The following TRIP10 variants were observed in gnomAD, a reference collection of about 807,000 sequenced individuals.
TRIP10 encodes the protein cdc42-interacting protein 4.
TRIP10 carries 54 observed loss-of-function variants against 80.9 expected under a neutral mutation model. The ratio of observed to expected loss-of-function variants is 0.67; its 90% CI spans 0.54 to 0.84. TRIP10 has a LOEUF of 0.84. TRIP10 is among the 40% of genes least tolerant of loss of function. The pLI is 0.00. For missense variants in TRIP10, 773 were observed against 815.3 expected (o/e 0.95, Z 0.63); for synonymous variants, 321 against 307.2 (o/e 1.04, Z -0.47).
Position 6,744,769 on chromosome 19 carries a change from C to G in TRIP10, c.790-31C>G. ...GGGAGGTACCCATAGGCTAGGCACT[C>G]GACTGCTCATCCACTGTCCCCCTCC... On this transcript the variant is annotated intron_variant, in intron 8 of 14. Coordinates refer to ENST00000313244, the MANE Select transcript of TRIP10 (RefSeq NM_001288962.2). This position sits in a 1 kb window ranked among gnomAD's most constrained non-coding sequence, Gnocchi z 4.9. 6.2e-7 allele frequency: 1 copy of G among 1,601,420 alleles called. No homozygotes were observed.
rs745566197 is a variant in TRIP10 at position 6,746,778 on chromosome 19, G to A, written c.1262+217G>A. ...AGCAATTCTTGTGCCTCAGCCTGCC[G>A]ATTAGCTAGGACCACAGGCATGCAC... On this transcript the variant is annotated intron_variant, in intron 11 of 14. Coordinates refer to ENST00000313244, the MANE Select transcript of TRIP10 (RefSeq NM_001288962.2). This position sits in a 1 kb window ranked among gnomAD's most constrained non-coding sequence, Gnocchi z 6.2. Among the ~76,000 whole-genome samples the A allele has an allele frequency of 2.2e-4, 34 of 152,090 alleles. No homozygotes were observed. The highest frequency in any genetic ancestry group is 5.2e-4 in the Admixed American group (8 of 15,276).
chr19:6,745,870 G>GT lies in TRIP10; in HGVS notation c.985-151dup, dbSNP rs899971933. ...CATCTTGAGTTGTGGTTTTCTTACC[G>GT]TTTTTTTTCTTTCTCCATTTTGTTT... On this transcript the variant is annotated intron_variant, in intron 9 of 14. Transcript: ENST00000313244. This position sits in a 1 kb window ranked among gnomAD's most constrained non-coding sequence, Gnocchi z 7.2. 2.1e-4 allele frequency: 205 copies of GT among 984,818 alleles called. No homozygotes were observed. The East Asian group carries it at 6.1e-3, about 29-fold the overall frequency. The allele number at this position is 984,818 out of a possible 1,614,324, so 61.0% of individuals were successfully genotyped here. A position where few individuals can be genotyped will look rare whatever the true frequency, so the allele number is the denominator to read the frequency against.
intron 3 of TRIP10, among the ~76,000 whole-genome samples, chr19:6,742,064 G>A (rs909869933): frequency 6.7e-6 from 1 of 148,514 alleles, no homozygotes; most frequent in African/African-American, 2.5e-5. Context: ...ATCCCACTTA[G>A]TGTGAATGTT....
rs756396774 is a variant in TRIP10, at chr19:6,746,504, G to T, written c.1205G>T (p.Arg402Leu). The T allele has an allele frequency of 6.2e-7, 1 of 1,614,002 alleles. No homozygotes were observed. The highest frequency in any genetic ancestry group is 1.1e-5 in the South Asian group (1 of 91,086). ...TTGCCCCCAGAGCAGCAGCGAAAAC[G>T]GCTTCAACAGCAGTTGGAAGAACGC... Reference protein sequence around the residue: ...SHLPPEQQRKRLQQQLEERSR... With the variant: ...SHLPPEQQRKLLQQQLEERSR... Residue 402 changes from arginine to leucine, a missense_variant, in exon 11 of 15, where the codon CGG (arginine) becomes CTG (leucine). Transcript: ENST00000313244. The surrounding 1 kb of genome is among the most constrained non-coding windows in gnomAD (Gnocchi z 6.2).
chr19:6,750,133 G>T, intron 12 of TRIP10, 67 bp downstream of exon 12: 1 of 1,550,356 alleles, frequency 6.5e-7, no homozygotes, highest in Non-Finnish European at 8.8e-7. Flanking sequence ...GGGTGGGGTG[G>T]GGGGTCGGGG....
In TRIP10 at chr19:6,742,592, C is replaced by T. The variant is rs147254202; in HGVS notation, c.198-375C>T. Among the ~76,000 whole-genome samples the T allele has an allele frequency of 2.9e-3, 437 of 151,640 alleles. 2 individuals carry two copies. The highest frequency in any genetic ancestry group is 9.9e-3 in the African/African-American group (411 of 41,320). On this transcript the variant is annotated intron_variant, in intron 3 of 14. Transcript: ENST00000313244. ...GGGTGAGGCGGGAAGATGCGGAGTT[C>T]GGGGGGATTGGAGTTTGAGACCTCA...
At chr19:6,743,950 A>G in intron 7 of TRIP10, 114 bp downstream of exon 7, 1 of 1,380,956 alleles carries the variant, frequency 7.2e-7, no homozygotes, top group Non-Finnish European at 9.9e-7. Flanking sequence ...ATTGAAAGGG[A>G]ATCAGAAACC....
chr19:6,741,311 AT>A (rs1291138914), intron 3 of TRIP10, 30 bp downstream of exon 3: 11 of 1,589,810 alleles, frequency 6.9e-6, no homozygotes, highest in Non-Finnish European at 9.4e-6. Flanking sequence ...GCAGGGCTAG[AT>A]TTGTGGGGAA....
At position 6,745,085 on chromosome 19, in the gene TRIP10, CGCCG is replaced by C; in HGVS notation, c.984+92_984+95del. 1 of 1,450,290 alleles carries C rather than the reference CGCCG, an allele frequency of 6.9e-7. No individual in the cohort carries two copies. Among genetic ancestry groups the C allele is most frequent in the Non-Finnish European group, 9.1e-7 (1 of 1,095,834 alleles). 89.8% of individuals were successfully genotyped at this position (1,450,290 alleles called of 1,614,324 possible). On this transcript the variant is annotated intron_variant, in intron 9 of 14. Transcript: ENST00000313244. This position sits in a 1 kb window ranked among gnomAD's most constrained non-coding sequence, Gnocchi z 7.2. ...ATTGAGTCAGCCCCAGCCGCCTGAA[CGCCG>C]AGTCTCGGGCAGGAATTTTCCTCTT...
In TRIP10 at chr19:6,743,123, C is replaced by T. The variant is rs780288879; in HGVS notation, c.345+9C>T. The stretch of plus-strand genomic sequence containing the variant: ...AACAGGAGAGGAAGATGGTGAGGAG[C>T]CCCCCGATTCAGGTTTTACAAAGGG... On this transcript the variant is annotated intron_variant, in intron 4 of 14. Transcript: ENST00000313244. 5.0e-6 allele frequency: 8 copies of T among 1,613,904 alleles called. No individual in the cohort carries two copies. The Admixed American group carries it at 6.7e-5, about 13-fold the overall frequency.
chr19:6,745,849 T>C lies in TRIP10; in HGVS notation c.985-180T>C, dbSNP rs112657514. On this transcript the variant is annotated intron_variant, in intron 9 of 14. Coordinates refer to ENST00000313244, the MANE Select transcript of TRIP10 (RefSeq NM_001288962.2). This position sits in a 1 kb window ranked among gnomAD's most constrained non-coding sequence, Gnocchi z 7.2. Reference sequence around the variant, plus strand: ...CGTTTTCTCTGTGTGGTTGTGCATCTTGAGTTGTGGTTTTCTTACCGTTTT... The same window carrying C: ...CGTTTTCTCTGTGTGGTTGTGCATCCTGAGTTGTGGTTTTCTTACCGTTTT... The C allele has an allele frequency of 7.2e-4, 709 of 985,414 alleles. 7 individuals are homozygous for C. In the African/African-American group the frequency reaches 0.012, roughly 16 times the overall value. The allele number at this position is 985,414 out of a possible 1,614,324, so 61.0% of individuals were successfully genotyped here.
At chr19:6,748,989 G>A (rs1270483690) in intron 11 of TRIP10, 1 of 152,120 alleles carries the variant, frequency 6.6e-6, no homozygotes, top group Non-Finnish European at 1.5e-5. Flanking sequence ...GGATTTATTC[G>A]AATTTTCAAG....
At chr19:6,740,196 T>G (rs948974832) in intron 1 of TRIP10, among the ~76,000 whole-genome samples, 5 of 152,184 alleles carry the variant, frequency 3.3e-5, no homozygotes, top group Admixed American at 2.0e-4. Flanking sequence ...CCCACCCACG[T>G]GGGACCTAGA....
At position 6,746,136 on chromosome 19, in the gene TRIP10, G is replaced by A. The variant is rs1359957040; in HGVS notation, c.1092G>A (p.Glu364=). ...SGRDPLAILS[E]ISKSVKPRLA... is the part of the protein sequence containing the mutation. Reference sequence around the variant, plus strand: ...GTGACCCCTTGGCCATACTGAGCGAGATCAGTAAGTCGGTCAAACCGAGGC... The same window carrying A: ...GTGACCCCTTGGCCATACTGAGCGAAATCAGTAAGTCGGTCAAACCGAGGC... The change falls in exon 10 of 15, where the codon GAG becomes GAA. Residue 364 remains glutamate (E), a synonymous_variant. Coordinates refer to ENST00000313244, the MANE Select transcript of TRIP10 (RefSeq NM_001288962.2). The surrounding 1 kb of genome is among the most constrained non-coding windows in gnomAD (Gnocchi z 6.2). 5.2e-6 allele frequency: 8 copies of A among 1,548,002 alleles called. No individual in the cohort carries two copies. The African/African-American group carries it at 1.1e-4, about 21-fold the overall frequency.
rs200516611 is a variant in TRIP10 at position 6,739,797 on chromosome 19, C to T, written c.24+12C>T. 2.7e-6 allele frequency: 4 copies of T among 1,459,212 alleles called. No homozygotes were observed. Among genetic ancestry groups the T allele is most frequent in the South Asian group, 2.9e-5 (2 of 68,452 alleles). The allele number at this position is 1,459,212 out of a possible 1,614,324, so 90.4% of individuals were successfully genotyped here. ...GCACTGAGCTGTGGGTAAGTCCAAT[C>T]GGCCCGCCTCTAAGTTCCCCTTTGC... On this transcript the variant is annotated intron_variant, in intron 1 of 14. Transcript: ENST00000313244.
intron 11 of TRIP10, chr19:6,748,925 C>G (rs1969206375): frequency 1.3e-5 from 2 of 151,930 alleles, no homozygotes; most frequent in South Asian, 4.1e-4. Context: ...ATAATGATAA[C>G]AGTATTTATT....
intron 3 of TRIP10, 92 bp downstream of exon 3, chr19:6,741,373 C>A: frequency 7.1e-7 from 1 of 1,403,230 alleles, no homozygotes; most frequent in Non-Finnish European, 9.9e-7. Flanking sequence ...CACCCCACCG[C>A]TCCTCTCACT....
chr19:6,751,405 C>T lies in TRIP10; in HGVS notation c.*194C>T. On this transcript the variant is annotated 3_prime_UTR_variant, in exon 15 of 15. Transcript: ENST00000313244. Reference sequence around the variant, plus strand: ...CGCTGTGCCTTCTACCATCGTTCCACCATTGATGTACATACTCATGTTTTA... The same window carrying T: ...CGCTGTGCCTTCTACCATCGTTCCATCATTGATGTACATACTCATGTTTTA... 7.6e-7 allele frequency: 1 copy of T among 1,308,244 alleles called. No individual in the cohort carries two copies. The highest frequency in any genetic ancestry group is 2.7e-4 in the Middle Eastern group (1 of 3,696). The allele number at this position is 1,308,244 out of a possible 1,614,324, so 81.0% of individuals were successfully genotyped here.
At chr19:6,743,431 G>C in intron 5 of TRIP10, 63 bp from the exon 6 acceptor site, 1 of 1,583,784 alleles carries the variant, frequency 6.3e-7, no homozygotes, top group Non-Finnish European at 8.7e-7. Flanking sequence ...CTGAAACCTT[G>C]GTTTCCCACC....
Sources: gnomAD v4.1 joint callset for allele counts (sites outside exome capture counted in the v4.1 genomes callset) on GRCh38, gnomAD v4.1.1 for gene constraint, Gnocchi (gnomAD v3.1) non-coding constraint, MANE v1.5 for transcripts, NCBI Gene and HGNC (gene_info 2026-07-23, HGNC 2026-07-21) for gene names.